MACC1: variants seen among roughly 807,000 people sequenced by gnomAD.
MACC1 encodes metastasis-associated in colon cancer protein 1.
In MACC1, 79 loss-of-function variants were observed where a neutral mutation model predicts 70.7. The observed-to-expected ratio is 1.12, with a 90% CI of 0.93 to 1.35. The LOEUF is 1.35. Among genes scored for constraint, MACC1 ranks in the 40% most tolerant of loss-of-function variants. The pLI is 0.00. For synonymous variants in MACC1, 361 were observed against 347.2 expected, an observed-to-expected ratio of 1.04 and a Z score of -0.44; for missense variants, 1,106 against 978.1, an observed-to-expected ratio of 1.13 and a Z score of -1.74.
intron 1 of MACC1, among the ~76,000 whole-genome samples, chr7:20,208,488 A>T (rs1327432820): frequency 6.6e-6 from 1 of 152,212 alleles, no homozygotes; most frequent in Non-Finnish European, 1.5e-5. Context: ...GGTATGTTTT[A>T]GCAAAGAGAC....
chr7:20,201,285 G>T (rs1782830358), intron 1 of MACC1, among the ~76,000 whole-genome samples: 1 of 152,202 alleles, frequency 6.6e-6, no homozygotes, highest in Admixed American at 6.5e-5. Context: ...GGTTCTGAAG[G>T]TTGAGCTATC....
intron 1 of MACC1, among the ~76,000 whole-genome samples, chr7:20,182,230 T>C (rs547310228): frequency 6.6e-6 from 1 of 150,508 alleles, no homozygotes; most frequent in Non-Finnish European, 1.5e-5. Flanking sequence ...TTAGGAGATA[T>C]ACCTAATGTT....
chr7:20,151,836 G>A (rs574306336), intron 6 of MACC1, among the ~76,000 whole-genome samples: 37 of 152,226 alleles, frequency 2.4e-4, no homozygotes, highest in African/African-American at 7.9e-4. Flanking sequence ...AACCCTGGCC[G>A]CACCTTCTGA....
At position 20,161,729 on chromosome 7, in the gene MACC1, C is replaced by T. The variant is rs200828677; in HGVS notation, c.115+19G>A. 11 of 1,450,794 alleles carry T rather than the reference C, an allele frequency of 7.6e-6. No individual in the cohort carries two copies. The highest frequency in any genetic ancestry group is 1.1e-5 in the South Asian group (1 of 87,108). 89.9% of individuals were successfully genotyped at this position (1,450,794 alleles called of 1,614,324 possible). On this transcript the variant is annotated intron_variant, in intron 4 of 6. Transcript: ENST00000400331. The stretch of plus-strand genomic sequence containing the variant: ...ATATACTTACATGGACAAATCACAA[C>T]AGTTATAAATTCCCATACCTGTAAT...
At chr7:20,145,057 A>G (rs1781868702) in intron 6 of MACC1, among the ~76,000 whole-genome samples, 1 of 152,110 alleles carries the variant, frequency 6.6e-6, no homozygotes, top group African/African-American at 2.4e-5. Flanking sequence ...ATGTTCCACA[A>G]CTCCAGTGAC....
intron 1 of MACC1, among the ~76,000 whole-genome samples, chr7:20,177,500 G>A (rs1162541418): frequency 1.3e-5 from 2 of 151,938 alleles, no homozygotes; most frequent in Non-Finnish European, 2.9e-5. Flanking sequence ...GTATGTGAAG[G>A]TTATATTTTC....
chr7:20,212,731 T>C (rs1277913747), intron 1 of MACC1, among the ~76,000 whole-genome samples: 1 of 151,996 alleles, frequency 6.6e-6, no homozygotes, highest in African/African-American at 2.4e-5. Flanking sequence ...CAAAGCTGCA[T>C]TTCCCCACAA....
rs144722986 is a variant in MACC1, at chr7:20,194,417, C to G, written c.-218+22882G>C. On this transcript the variant is annotated intron_variant, in intron 1 of 6. Transcript: ENST00000400331. ...TACTCCCCTGATGTGTTTGTTCTTTCTAGTTTTCATTAGAAAGAAACACAC... is the reference window on the plus strand; with the variant it reads ...TACTCCCCTGATGTGTTTGTTCTTTGTAGTTTTCATTAGAAAGAAACACAC... Among the ~76,000 whole-genome samples the G allele has an allele frequency of 3.1e-4, 47 of 152,294 alleles. 3 individuals are homozygous for G. Among genetic ancestry groups the G allele is most frequent in the African/African-American group, 1.1e-3 (44 of 41,566 alleles).
At chr7:20,154,521 A>C in intron 5 of MACC1, 140 bp from the exon 6 acceptor site, 1 of 865,256 alleles carries the variant, frequency 1.2e-6, no homozygotes, top group Non-Finnish European at 1.7e-6. Context: ...CTAAAGCTCA[A>C]GGAGTTGATT....
At chr7:20,197,173 T>G (rs1467120701) in intron 1 of MACC1, among the ~76,000 whole-genome samples, 1 of 152,202 alleles carries the variant, frequency 6.6e-6, no homozygotes, top group Non-Finnish European at 1.5e-5. Flanking sequence ...TTGGGCTATT[T>G]GGAATTTCTG....
rs1265911481 is a variant in MACC1 at position 20,138,735 on chromosome 7, T to A, written c.*2211A>T. 6.6e-6 allele frequency: 1 copy of A among 151,944 alleles called. No individual in the cohort carries two copies. Among genetic ancestry groups the A allele is most frequent in the African/African-American group, 2.4e-5 (1 of 41,344 alleles). The allele number at this position is 151,944 out of a possible 1,614,324, so 9.4% of individuals were successfully genotyped here. The stretch of plus-strand genomic sequence containing the variant: ...TCACCCAGGCTGGAGTGCAGTGGCA[T>A]GAACTCGGCTCACTGCAAGCTCCGC... On this transcript the variant is annotated 3_prime_UTR_variant, in exon 7 of 7. Coordinates refer to ENST00000400331, the MANE Select transcript of MACC1 (RefSeq NM_182762.4).
chr7:20,197,586 G>A (rs1489252678), intron 1 of MACC1, among the ~76,000 whole-genome samples: 2 of 152,130 alleles, frequency 1.3e-5, no homozygotes, highest in South Asian at 2.1e-4. Context: ...GTTCTCGTAC[G>A]CCTACTCACA....
At chr7:20,143,109 G>A (rs551584987) in intron 6 of MACC1, among the ~76,000 whole-genome samples, 1 of 152,302 alleles carries the variant, frequency 6.6e-6, no homozygotes, top group South Asian at 2.1e-4. Context: ...ACAGTCAAAA[G>A]CAGCCAATAT....
chr7:20,169,060 T>C (rs554491516), intron 2 of MACC1, among the ~76,000 whole-genome samples: 1 of 152,348 alleles, frequency 6.6e-6, no homozygotes, highest in Non-Finnish European at 1.5e-5. Flanking sequence ...AGAAACAGTT[T>C]TGTTACTGCT....
At chr7:20,209,336 A>T (rs1782962220) in intron 1 of MACC1, among the ~76,000 whole-genome samples, 1 of 152,270 alleles carries the variant, frequency 6.6e-6, no homozygotes, top group African/African-American at 2.4e-5. Flanking sequence ...TGTACCCTGC[A>T]AAACCACAGG....
rs149661432 is a variant in MACC1, at chr7:20,158,819, G to C, written c.1542C>G (p.Leu514=). 1.3e-4 allele frequency: 205 copies of C among 1,614,156 alleles called. No homozygotes were observed. The African/African-American group carries it at 2.4e-3, about 19-fold the overall frequency. The stretch of plus-strand genomic sequence containing the variant: ...TCTGCAAATAGCCTGGCAGATTCGA[G>C]AGTCTTTTTAGGTTTGGGGTTGGAT... ...TPDPTPNLKR[L]SNLPGYLQKK... Residue 514 remains leucine, a synonymous_variant, in exon 5 of 7, where the codon CTC becomes CTG. Transcript: ENST00000400331.
intron 1 of MACC1, among the ~76,000 whole-genome samples, chr7:20,208,378 G>A (rs1335423346): frequency 1.3e-5 from 2 of 152,130 alleles, no homozygotes; most frequent in African/African-American, 4.8e-5. Flanking sequence ...GAATGGCTTT[G>A]ACAAAAATGC....
intron 6 of MACC1, among the ~76,000 whole-genome samples, chr7:20,149,908 G>A (rs1346048170): frequency 1.3e-5 from 2 of 152,170 alleles, no homozygotes; most frequent in Non-Finnish European, 2.9e-5. Flanking sequence ...ATAAGACAAC[G>A]TGAATTCAGA....
intron 1 of MACC1, among the ~76,000 whole-genome samples, chr7:20,179,172 A>T (rs998082274): frequency 6.6e-6 from 1 of 152,154 alleles, no homozygotes; most frequent in African/African-American, 2.4e-5. Flanking sequence ...TACATTTGTC[A>T]ATGCTAAATA....
Sources: gnomAD v4.1 joint callset for allele counts (sites outside exome capture counted in the v4.1 genomes callset) on GRCh38, gnomAD v4.1.1 for gene constraint, MANE v1.5 for transcripts, NCBI Gene and HGNC (gene_info 2026-07-23, HGNC 2026-07-21) for gene names.